Variants in DLG2 observed in about 807,000 individuals in gnomAD.
DLG2 encodes disks large homolog 2.
Under a neutral mutation model 132.5 loss-of-function variants are expected in DLG2, and 45 were observed. That is an observed-to-expected ratio of 0.34 (90% CI 0.27 to 0.44). The LOEUF (loss-of-function observed/expected upper bound fraction) is 0.44. Among genes scored for constraint, DLG2 ranks in the 20% least tolerant of loss-of-function variants. The pLI, the probability that DLG2 is intolerant of heterozygous loss-of-function variation, is 1.00. For synonymous variants in DLG2, 424 were observed against 419.6 expected (o/e 1.01, Z -0.13); for missense variants, 1,045 against 1,196.9 (o/e 0.87, Z 1.87).
At chr11:83,626,590 T>G (rs2062569387) in intron 19 of DLG2, among the ~76,000 whole-genome samples, 1 of 152,148 alleles carries the variant, frequency 6.6e-6, no homozygotes, top group Non-Finnish European at 1.5e-5. Context: ...TAGTAGCAAC[T>G]TTGAGTAACA....
At chr11:84,212,474 G>C (rs1440942007) in intron 8 of DLG2, among the ~76,000 whole-genome samples, 2 of 152,188 alleles carry the variant, frequency 1.3e-5, no homozygotes, top group African/African-American at 2.4e-5. Flanking sequence ...AGTTTCATTT[G>C]CTTAAAGGAA....
intron 3 of DLG2, among the ~76,000 whole-genome samples, chr11:85,541,573 A>G (rs116266579): frequency 0.015 from 2,217 of 151,898 alleles, 58 homozygotes; most frequent in African/African-American, 0.05. Context: ...AACATCTCCA[A>G]ACCCTTTGAG....
intron 21 of DLG2, among the ~76,000 whole-genome samples, chr11:83,521,085 A>G (rs1221394567): frequency 6.6e-6 from 1 of 152,244 alleles, no homozygotes; most frequent in Non-Finnish European, 1.5e-5. Context: ...ACAGTGCTGA[A>G]CATGAAAGAC....
At chr11:83,718,021 CTG>C (rs1566680049) in intron 18 of DLG2, among the ~76,000 whole-genome samples, 2 of 152,200 alleles carry the variant, frequency 1.3e-5, no homozygotes, top group Admixed American at 6.5e-5. Context: ...ACCTTCAAAC[CTG>C]CTCCGTACTC....
intron 6 of DLG2, among the ~76,000 whole-genome samples, chr11:84,587,673 T>C (rs1412808136): frequency 6.6e-6 from 1 of 152,160 alleles, no homozygotes; most frequent in Non-Finnish European, 1.5e-5. Context: ...CATCACTTAG[T>C]GGGCAGGTTT....
chr11:83,484,580 T>C (rs2093376659), intron 21 of DLG2, among the ~76,000 whole-genome samples: 1 of 152,106 alleles, frequency 6.6e-6, no homozygotes, highest in East Asian at 1.9e-4. Flanking sequence ...TGAATGTCTC[T>C]GAACCTCAGT....
chr11:85,154,876 A>C (rs923439973), intron 4 of DLG2, among the ~76,000 whole-genome samples: 3 of 152,238 alleles, frequency 2.0e-5, no homozygotes, highest in African/African-American at 4.8e-5. Context: ...TTTAAATTTC[A>C]AAGGTTTCCA....
At chr11:85,506,411 T>C (rs981407589) in intron 3 of DLG2, among the ~76,000 whole-genome samples, 1 of 152,232 alleles carries the variant, frequency 6.6e-6, no homozygotes, top group Non-Finnish European at 1.5e-5. Flanking sequence ...TTCTGGTATG[T>C]TGTGTCTTTG....
chr11:85,496,286 C>T (rs1320781683), intron 3 of DLG2, among the ~76,000 whole-genome samples: 5 of 152,210 alleles, frequency 3.3e-5, no homozygotes, highest in Admixed American at 6.5e-5. Context: ...TCCCATGGAG[C>T]ATTGCTCACT....
chr11:83,835,954 T>G (rs1021043851), intron 16 of DLG2, among the ~76,000 whole-genome samples: 1 of 152,130 alleles, frequency 6.6e-6, no homozygotes, highest in African/African-American at 2.4e-5. Context: ...CCCTATAGTA[T>G]ATACACATAC....
chr11:84,472,107 G>A (rs2099109957), intron 7 of DLG2, among the ~76,000 whole-genome samples: 1 of 151,822 alleles, frequency 6.6e-6, no homozygotes, highest in South Asian at 2.1e-4. Context: ...AGTTTCGTCA[G>A]AAATATTTAG....
chr11:85,622,826 A>C (rs938455858), intron 2 of DLG2, among the ~76,000 whole-genome samples: 2 of 152,102 alleles, frequency 1.3e-5, no homozygotes, highest in Admixed American at 6.5e-5. Context: ...TTGGGAGGCC[A>C]AGGTGGGTGG....
intron 14 of DLG2, among the ~76,000 whole-genome samples, chr11:83,946,282 C>T (rs559182339): frequency 9.9e-5 from 15 of 152,268 alleles, no homozygotes; most frequent in Middle Eastern, 3.4e-3. Context: ...GCCACCACAC[C>T]CAGCCAACTT....
chr11:84,098,543 C>A (rs1190191228), intron 10 of DLG2, among the ~76,000 whole-genome samples: 2 of 152,162 alleles, frequency 1.3e-5, no homozygotes, highest in Non-Finnish European at 2.9e-5. Context: ...AGAATACATA[C>A]AATATCTACA....
chr11:84,698,570 C>G (rs923110627), intron 6 of DLG2, among the ~76,000 whole-genome samples: 1 of 151,502 alleles, frequency 6.6e-6, no homozygotes, highest in Non-Finnish European at 1.5e-5. Context: ...ACTTTAGAGT[C>G]TACTTCATCA....
At chr11:84,053,817 A>G (rs2096448701) in intron 11 of DLG2, among the ~76,000 whole-genome samples, 1 of 152,020 alleles carries the variant, frequency 6.6e-6, no homozygotes, top group East Asian at 1.9e-4. Flanking sequence ...AGTAACTTCT[A>G]CAGTTTGTGC....
intron 19 of DLG2, among the ~76,000 whole-genome samples, chr11:83,547,236 C>T (rs2096264685): frequency 6.6e-6 from 1 of 152,080 alleles, no homozygotes; most frequent in Admixed American, 6.6e-5. Flanking sequence ...TGATGTGTTT[C>T]ATAGTTAACA....
intron 6 of DLG2, among the ~76,000 whole-genome samples, chr11:85,007,735 G>A (rs2058815940): frequency 6.6e-6 from 1 of 150,908 alleles, no homozygotes; most frequent in Non-Finnish European, 1.5e-5. Flanking sequence ...GAGTAAGAGA[G>A]GAGAAAACTC....
chr11:84,328,387 A>C (rs1404880397), intron 7 of DLG2, among the ~76,000 whole-genome samples: 1 of 152,158 alleles, frequency 6.6e-6, no homozygotes, highest in Non-Finnish European at 1.5e-5. Flanking sequence ...TAAAAAGATA[A>C]TTAAAACACA....
Sources: allele counts gnomAD v4.1 joint callset (sites outside exome capture counted in the v4.1 genomes callset), GRCh38; gene constraint gnomAD v4.1.1; transcripts MANE v1.5; gene names NCBI Gene and HGNC (gene_info 2026-07-23, HGNC 2026-07-21).